The following CDH23 variants were observed in gnomAD, a reference collection of about 807,000 sequenced individuals.
CDH23 encodes the protein cadherin related 23.
Under a neutral mutation model 317.1 loss-of-function variants are expected in CDH23, and 189 were observed. The observed-to-expected ratio is 0.60, with a 90% CI of 0.53 to 0.67. The LOEUF is 0.67. CDH23 is among the 30% of genes least tolerant of loss of function. The pLI, the probability that CDH23 is intolerant of heterozygous loss-of-function variation, is 0.00. For missense variants in CDH23, 4,401 were observed against 4,592.4 expected, an observed-to-expected ratio of 0.96 and a Z score of 1.20; for synonymous variants, 1,839 against 1,876.8, an observed-to-expected ratio of 0.98 and a Z score of 0.52.
chr10:71,736,071 G>A (rs1431595020), intron 34 of CDH23, among the ~76,000 whole-genome samples: 3 of 152,262 alleles, frequency 2.0e-5, no homozygotes, highest in Non-Finnish European at 2.9e-5. Context: ...CCCAAGGGTG[G>A]CAGGGATGGA....
At chr10:71,795,798 T>G (rs1841385216) in intron 48 of CDH23, 2 of 987,040 alleles carry the variant, frequency 2.0e-6, no homozygotes, top group Non-Finnish European at 1.2e-6. Flanking sequence ...CTAACTGATG[T>G]TAACCCTCTT....
At chr10:71,427,022 G>C (rs370303716) in intron 1 of CDH23, among the ~76,000 whole-genome samples, 1 of 151,698 alleles carries the variant, frequency 6.6e-6, no homozygotes, top group South Asian at 2.1e-4. Flanking sequence ...ATAGTGGCAC[G>C]CTCCTGTAGT....
chr10:71,589,601 T>C (rs1044984927), intron 9 of CDH23, among the ~76,000 whole-genome samples: 2 of 152,138 alleles, frequency 1.3e-5, no homozygotes, highest in Non-Finnish European at 2.9e-5. Flanking sequence ...GCATATGTAA[T>C]ACACACTTTC....
chr10:71,562,438 G>A (rs1002567718), intron 6 of CDH23, among the ~76,000 whole-genome samples: 4 of 152,214 alleles, frequency 2.6e-5, no homozygotes, highest in East Asian at 1.9e-4. Flanking sequence ...TTCCAGCCTC[G>A]GGTGGCGGGC....
intron 48 of CDH23, chr10:71,795,926 C>T (rs916825486): frequency 3.0e-6 from 3 of 986,236 alleles, no homozygotes; most frequent in Admixed American, 6.1e-5. Context: ...ACACCCCCAC[C>T]ACCCTTCCTG....
chr10:71,798,625 G>A, intron 50 of CDH23, 47 bp downstream of exon 50: 1 of 1,439,370 alleles, frequency 6.9e-7, no homozygotes, highest in South Asian at 1.3e-5. Context: ...ATATATCTCT[G>A]CTTGCTTAGT....
At chr10:71,547,970 C>T (rs1856376830) in intron 6 of CDH23, among the ~76,000 whole-genome samples, 1 of 152,184 alleles carries the variant, frequency 6.6e-6, no homozygotes, top group African/African-American at 2.4e-5. Context: ...GAAGAGAGGC[C>T]CCGTGGGGTA....
At chr10:71,496,900 T>C (rs542824624) in intron 3 of CDH23, among the ~76,000 whole-genome samples, 1 of 34,082 alleles carries the variant, frequency 2.9e-5, no homozygotes, top group East Asian at 8.3e-4. Flanking sequence ...AAATGACCCT[T>C]TGTTGCACTG....
intron 38 of CDH23, among the ~76,000 whole-genome samples, chr10:71,768,319 C>G (rs1344617078): frequency 6.6e-6 from 1 of 152,030 alleles, no homozygotes; most frequent in Non-Finnish European, 1.5e-5. Context: ...TACAGGCACC[C>G]GCCACCACGC....
At chr10:71,634,476 C>T (rs1564700042) in intron 11 of CDH23, among the ~76,000 whole-genome samples, 1 of 152,226 alleles carries the variant, frequency 6.6e-6, no homozygotes, top group African/African-American at 2.4e-5. Context: ...TTCAAATTAG[C>T]AGATTCTGAT....
At chr10:71,760,718 A>G (rs1259774068) in intron 38 of CDH23, 18 of 718,570 alleles carry the variant, frequency 2.5e-5, no homozygotes, top group Non-Finnish European at 4.3e-5. Context: ...AGGAGGAAGC[A>G]GAAGGGATGT....
chr10:71,448,519 C>T (rs1439722358), intron 3 of CDH23, among the ~76,000 whole-genome samples: 6 of 152,252 alleles, frequency 3.9e-5, no homozygotes, highest in South Asian at 2.1e-4. Flanking sequence ...GGGGTGGGTG[C>T]GGAGCTGCCT....
intron 38 of CDH23, chr10:71,750,047 A>C (rs963544453): frequency 6.6e-6 from 1 of 150,474 alleles, no homozygotes; most frequent in African/African-American, 2.5e-5. Context: ...TTTTACCCCC[A>C]GAGTGTACAG....
At chr10:71,475,988 G>A (rs1003975589) in intron 3 of CDH23, among the ~76,000 whole-genome samples, 4 of 152,250 alleles carry the variant, frequency 2.6e-5, no homozygotes, top group Non-Finnish European at 2.9e-5. Flanking sequence ...GGGTGGCTGA[G>A]ATGGTTTCTG....
At chr10:71,800,232 G>T (rs1051049683) in intron 52 of CDH23, among the ~76,000 whole-genome samples, 1 of 152,246 alleles carries the variant, frequency 6.6e-6, no homozygotes, top group African/African-American at 2.4e-5. Flanking sequence ...TTCCCCAGTT[G>T]CTGGGGCTGG....
intron 62 of CDH23, among the ~76,000 whole-genome samples, chr10:71,810,922 A>T (rs1295032852): frequency 6.6e-6 from 1 of 152,000 alleles, no homozygotes; most frequent in African/African-American, 2.4e-5. Flanking sequence ...CTCTACTAAA[A>T]ATACAAATAT....
intron 3 of CDH23, among the ~76,000 whole-genome samples, chr10:71,508,977 A>G (rs1853801056): frequency 6.6e-6 from 1 of 152,180 alleles, no homozygotes; most frequent in Non-Finnish European, 1.5e-5. Flanking sequence ...ACCCTACCTG[A>G]AAGCTACACA....
chr10:71,547,634 G>T (rs576112873), intron 6 of CDH23, among the ~76,000 whole-genome samples: 1 of 152,210 alleles, frequency 6.6e-6, no homozygotes, highest in Admixed American at 6.5e-5. Context: ...CCAGTGAGCC[G>T]GTCCCCGCAG....
chr10:71,765,025 T>G (rs571928938), intron 38 of CDH23, among the ~76,000 whole-genome samples: 1 of 152,090 alleles, frequency 6.6e-6, no homozygotes, highest in African/African-American at 2.4e-5. Flanking sequence ...GTGGGGTGGG[T>G]GTAGCTGCAA....
Sources: gnomAD v4.1 joint callset for allele counts (sites outside exome capture counted in the v4.1 genomes callset) on GRCh38, gnomAD v4.1.1 for gene constraint, MANE v1.5 for transcripts, NCBI Gene and HGNC (gene_info 2026-07-23, HGNC 2026-07-21) for gene names.